The following TMED3 variants were observed in gnomAD, a reference collection of about 807,000 sequenced individuals.
The protein encoded by TMED3 is transmembrane p24 trafficking protein 3.
In TMED3, 9 loss-of-function variants were observed where a neutral mutation model predicts 15.0. The ratio of observed to expected loss-of-function variants is 0.60; its 90% CI spans 0.36 to 1.04. The LOEUF (loss-of-function observed/expected upper bound fraction) is 1.04, where lower values mean the gene tolerates loss of function less well. Among genes scored for constraint, TMED3 ranks in the 50% least tolerant of loss-of-function variants. The pLI is 0.01. For missense variants in TMED3, 267 were observed against 278.9 expected (o/e 0.96, Z 0.30); for synonymous variants, 117 against 121.4 (o/e 0.96, Z 0.24).
chr15:79,399,484 G>A lies in TMED3; in HGVS notation c.418-11916G>A, dbSNP rs1398525634. ...AAACTGAGGCATGGAGACACATAAT[G>A]TGTCCAGGAGAATTGGGAGTTTTGG... On this transcript the variant is annotated intron_variant, in intron 2 of 2. Transcript: ENST00000424155. 2.6e-5 allele frequency among the ~76,000 whole-genome samples: 4 copies of A among 152,286 alleles called. No individual in the cohort carries two copies. In the East Asian group the frequency reaches 5.8e-4, roughly 22 times the overall value.
At chr15:79,354,341 T>G (rs2058910035) in intron 2 of TMED3, among the ~76,000 whole-genome samples, 2 of 152,122 alleles carry the variant, frequency 1.3e-5, no homozygotes, top group Non-Finnish European at 2.9e-5. Flanking sequence ...GACCAACAGT[T>G]TCCTTAAGTA....
chr15:79,357,332 A>C (rs2058923139), intron 2 of TMED3, among the ~76,000 whole-genome samples: 2 of 151,760 alleles, frequency 1.3e-5, no homozygotes, highest in Admixed American at 6.6e-5. Context: ...CAGAAAAAAA[A>C]AAAATTGCCA....
Position 79,360,024 on chromosome 15 carries a change from C to T in TMED3, c.417+46019C>T, listed in dbSNP as rs184310152. 1.8e-3 allele frequency among the ~76,000 whole-genome samples: 280 copies of T among 152,340 alleles called. 4 individuals are homozygous for T. Among genetic ancestry groups the T allele is most frequent in the African/African-American group, 6.4e-3 (265 of 41,570 alleles). On this transcript the variant is annotated intron_variant, in intron 2 of 2. Transcript: ENST00000424155. Reference sequence around the variant, plus strand: ...TATACTCTTCCACTGTTACCCAAAACCTTTAGCAAAACTGTAGTAAATCCA... The same window carrying T: ...TATACTCTTCCACTGTTACCCAAAATCTTTAGCAAAACTGTAGTAAATCCA...
intron 2 of TMED3, among the ~76,000 whole-genome samples, chr15:79,380,541 A>T (rs1893510412): frequency 1.4e-5 from 2 of 147,134 alleles, no homozygotes; most frequent in Non-Finnish European, 3.0e-5. Flanking sequence ...ATATGTAGTT[A>T]TATATATAGT....
Position 79,363,295 on chromosome 15 carries a change from C to T in TMED3, c.418-48105C>T, listed in dbSNP as rs141397583. ...TTTCAGAAAGAACTTTCTAATCATACAACAAAGGTAGAAATTATAAGAACA... is the reference window on the plus strand; with the variant it reads ...TTTCAGAAAGAACTTTCTAATCATATAACAAAGGTAGAAATTATAAGAACA... On this transcript the variant is annotated intron_variant, in intron 2 of 2. Transcript: ENST00000424155. Among the ~76,000 whole-genome samples the T allele has an allele frequency of 2.4e-3, 362 of 152,064 alleles. 5 individuals are homozygous for T. Among genetic ancestry groups the T allele is most frequent in the African/African-American group, 8.3e-3 (346 of 41,486 alleles).
intron 2 of TMED3, among the ~76,000 whole-genome samples, chr15:79,367,009 C>A (rs548121420): frequency 1.3e-5 from 2 of 152,234 alleles, no homozygotes; most frequent in Non-Finnish European, 2.9e-5. Flanking sequence ...TCAAAAAGCA[C>A]AGCACAATCT....
At chr15:79,382,146 C>A (rs1366232676) in intron 2 of TMED3, among the ~76,000 whole-genome samples, 1 of 152,188 alleles carries the variant, frequency 6.6e-6, no homozygotes, top group African/African-American at 2.4e-5. Context: ...TCACCCCATC[C>A]TCTCGGCAGT....
chr15:79,380,597 A>AGTTT lies in TMED3; in HGVS notation c.418-30803_418-30802insGTTT, dbSNP rs1893515212. 2.1e-5 allele frequency among the ~76,000 whole-genome samples: 3 copies of AGTTT among 145,650 alleles called. No individual in the cohort carries two copies. In the Admixed American group the frequency reaches 2.1e-4, roughly 10 times the overall value. ...TATATAGTTTTATATATATATATAT[A>AGTTT]TATAGAGAGAGAGAGGGTATATTTT... is the stretch of plus-strand genomic sequence containing the variant. On this transcript the variant is annotated intron_variant, in intron 2 of 2. Transcript: ENST00000424155.
rs150197662 is a variant in TMED3, at chr15:79,403,871, A to G, written c.418-7529A>G. On this transcript the variant is annotated intron_variant, in intron 2 of 2. Coordinates refer to the TMED3 transcript ENST00000424155. ...TACTTCTGTCTCTTGGTTCCTGAAT[A>G]TGTACATTCTAGATATTGGGGACAC... 5.9e-5 allele frequency among the ~76,000 whole-genome samples: 9 copies of G among 152,292 alleles called. No homozygotes were observed. In the East Asian group the frequency reaches 1.4e-3, roughly 23 times the overall value.
chr15:79,326,038 G>C (rs1363158795), downstream of TMED3, among the ~76,000 whole-genome samples: 1 of 152,050 alleles, frequency 6.6e-6, no homozygotes, highest in Non-Finnish European at 1.5e-5. Flanking sequence ...TAGCTATCTA[G>C]GCATCTTTCA....
chr15:79,380,688 T>C (rs944585990), intron 2 of TMED3, among the ~76,000 whole-genome samples: 5 of 151,626 alleles, frequency 3.3e-5, no homozygotes, highest in Non-Finnish European at 7.4e-5. Context: ...TGGCAATATT[T>C]GGGGGATGGA....
intron 2 of TMED3, among the ~76,000 whole-genome samples, chr15:79,408,850 C>G (rs1567041819): frequency 6.6e-6 from 1 of 152,214 alleles, no homozygotes; most frequent in Non-Finnish European, 1.5e-5. Context: ...TAGCATCTTT[C>G]CCAGGGCAGA....
At chr15:79,380,473 A>G (rs1435693544) in intron 2 of TMED3, among the ~76,000 whole-genome samples, 1 of 147,398 alleles carries the variant, frequency 6.8e-6, no homozygotes, top group Non-Finnish European at 1.5e-5. Flanking sequence ...ATGGTTATAT[A>G]TAGTTATATA....
intron 2 of TMED3, among the ~76,000 whole-genome samples, chr15:79,340,218 A>G (rs1162818755): frequency 6.6e-6 from 1 of 152,232 alleles, no homozygotes; most frequent in African/African-American, 2.4e-5. Flanking sequence ...AGAAACATCA[A>G]TAAAGTTCAA....
chr15:79,321,385 G>A (rs1234481984), intron 2 of TMED3, among the ~76,000 whole-genome samples: 2 of 152,228 alleles, frequency 1.3e-5, no homozygotes, highest in East Asian at 3.8e-4. Flanking sequence ...TGTCTATGTA[G>A]TGCCTGTTTA....
At chr15:79,321,384 A>G (rs2058765900) in intron 2 of TMED3, among the ~76,000 whole-genome samples, 1 of 152,230 alleles carries the variant, frequency 6.6e-6, no homozygotes, top group Non-Finnish European at 1.5e-5. Flanking sequence ...GTGTCTATGT[A>G]GTGCCTGTTT....
intron 2 of TMED3, among the ~76,000 whole-genome samples, chr15:79,402,292 G>A (rs1893844290): frequency 6.6e-6 from 1 of 152,184 alleles, no homozygotes. Context: ...TTATCTTATG[G>A]TCATTAACTT....
At chr15:79,329,980 C>A (rs2058802071) in intron 2 of TMED3, among the ~76,000 whole-genome samples, 1 of 152,202 alleles carries the variant, frequency 6.6e-6, no homozygotes, top group South Asian at 2.1e-4. Context: ...TTAAAAATGA[C>A]AGCAACAGGA....
chr15:79,393,059 T>C (rs939354716), intron 2 of TMED3, among the ~76,000 whole-genome samples: 2 of 152,268 alleles, frequency 1.3e-5, no homozygotes, highest in Non-Finnish European at 2.9e-5. Context: ...TCTCTGGCTT[T>C]TCATTTTCAC....
Sources: gnomAD v4.1 joint callset for allele counts (sites outside exome capture counted in the v4.1 genomes callset) on GRCh38, gnomAD v4.1.1 for gene constraint, MANE v1.5 for transcripts, NCBI Gene and HGNC (gene_info 2026-07-23, HGNC 2026-07-21) for gene names.